The following BMERB1 variants were observed in gnomAD, a reference collection of about 807,000 sequenced individuals.
BMERB1 encodes bMERB domain containing 1, also known as bMERB domain-containing protein 1.
A neutral mutation model predicts 23.6 loss-of-function variants in BMERB1; 12 were observed. The ratio of observed to expected loss-of-function variants is 0.51; its 90% CI spans 0.33 to 0.82. The LOEUF is 0.82. Ranked by LOEUF, BMERB1 falls within the 40% of genes least tolerant of loss-of-function variation. The pLI, the probability that BMERB1 is intolerant of heterozygous loss-of-function variation, is 0.03. For missense variants in BMERB1, 247 were observed against 255.4 expected (o/e 0.97, Z 0.22); for synonymous variants, 122 against 96.6 (o/e 1.26, Z -1.54).
chr16:15,507,089 A>T (rs1230556689), intron 1 of BMERB1, among the ~76,000 whole-genome samples: 1 of 152,196 alleles, frequency 6.6e-6, no homozygotes, highest in Non-Finnish European at 1.5e-5. Flanking sequence ...AGCAGAAGTA[A>T]AGGCAGAGGT....
intron 1 of BMERB1, among the ~76,000 whole-genome samples, chr16:15,497,328 C>T (rs1024843671): frequency 3.9e-5 from 6 of 152,104 alleles, no homozygotes; most frequent in South Asian, 2.1e-4. Flanking sequence ...GAAGCAATCC[C>T]GATGAATGAG....
chr16:15,583,295 GC>G, intron 5 of BMERB1, 57 bp downstream of exon 5: 1 of 1,407,594 alleles, frequency 7.1e-7, no homozygotes, highest in Non-Finnish European at 1.0e-6. Flanking sequence ...TATATTTCAG[GC>G]CAGGCCCACA....
chr16:15,571,381 G>A (rs1473431688), intron 3 of BMERB1, among the ~76,000 whole-genome samples: 9 of 148,946 alleles, frequency 6.0e-5, no homozygotes, highest in South Asian at 2.1e-4. Context: ...TTTTTGAGAC[G>A]GAGTCTCGCT....
chr16:15,448,707 G>A (rs188327491), intron 1 of BMERB1, among the ~76,000 whole-genome samples: 51 of 152,270 alleles, frequency 3.3e-4, no homozygotes, highest in Admixed American at 1.8e-3. Context: ...CATGAGAATC[G>A]CTTGAACCTG....
At chr16:15,572,294 T>C (rs1174389909) in intron 3 of BMERB1, among the ~76,000 whole-genome samples, 1 of 152,062 alleles carries the variant, frequency 6.6e-6, no homozygotes, top group Non-Finnish European at 1.5e-5. Flanking sequence ...GGTGTAGGAG[T>C]CTTCCACACA....
intron 2 of BMERB1, among the ~76,000 whole-genome samples, chr16:15,540,768 G>A (rs1598506220): frequency 1.3e-5 from 2 of 152,344 alleles, no homozygotes; most frequent in South Asian, 2.1e-4. Context: ...TGTCCCAGCG[G>A]AGATGCTTAC....
At chr16:15,492,013 T>C (rs1343807858) in intron 1 of BMERB1, among the ~76,000 whole-genome samples, 4 of 152,166 alleles carry the variant, frequency 2.6e-5, no homozygotes, top group African/African-American at 9.7e-5. Flanking sequence ...GTGGCGGGCA[T>C]GTTGAATAAA....
chr16:15,442,828 C>T (rs2050951796), intron 1 of BMERB1, among the ~76,000 whole-genome samples: 1 of 152,136 alleles, frequency 6.6e-6, no homozygotes, highest in African/African-American at 2.4e-5. Context: ...TCTGGATGTT[C>T]CTATCCACTG....
At chr16:15,448,690 G>A (rs913885961) in intron 1 of BMERB1, among the ~76,000 whole-genome samples, 1 of 152,174 alleles carries the variant, frequency 6.6e-6, no homozygotes, top group Admixed American at 6.5e-5. Flanking sequence ...TACTCAGGAG[G>A]CTGAGGCATG....
chr16:15,545,536 G>T (rs1393763900), intron 2 of BMERB1, among the ~76,000 whole-genome samples: 2 of 152,130 alleles, frequency 1.3e-5, no homozygotes, highest in Non-Finnish European at 2.9e-5. Context: ...ACCAAAAAAT[G>T]GGATTGTAGA....
chr16:15,525,727 A>G (rs989266853), intron 2 of BMERB1, among the ~76,000 whole-genome samples: 2 of 152,080 alleles, frequency 1.3e-5, no homozygotes, highest in African/African-American at 2.4e-5. Context: ...AAGAAAAAAG[A>G]AAAGAATAAA....
rs534442333 is a variant in BMERB1 at position 15,512,826 on chromosome 16, C to A, written c.107-2479C>A. ...TCCGGGAGGCGGAGGTTGCAGTGAG[C>A]CGATATTGTGCCACTGCACTCCAGC... On this transcript the variant is annotated intron_variant, in intron 1 of 5. Coordinates refer to ENST00000300006, the MANE Select transcript of BMERB1 (RefSeq NM_033201.3). 5.3e-5 allele frequency among the ~76,000 whole-genome samples: 8 copies of A among 151,786 alleles called. No individual in the cohort carries two copies. In the East Asian group the frequency reaches 1.4e-3, roughly 26 times the overall value.
chr16:15,449,436 A>T (rs1005885810), intron 1 of BMERB1, among the ~76,000 whole-genome samples: 2 of 152,194 alleles, frequency 1.3e-5, no homozygotes, highest in African/African-American at 4.8e-5. Context: ...TATCTGGCTG[A>T]TGGTTTCACC....
At chr16:15,502,228 A>G in intron 1 of BMERB1, 1 of 1,475,972 alleles carries the variant, frequency 6.8e-7, no homozygotes, top group Non-Finnish European at 9.3e-7. Flanking sequence ...AGAAACTCGC[A>G]GAAGTTAAAA....
intron 3 of BMERB1, among the ~76,000 whole-genome samples, chr16:15,576,476 C>G (rs1299903022): frequency 6.6e-6 from 1 of 152,100 alleles, no homozygotes; most frequent in Non-Finnish European, 1.5e-5. Context: ...GTACAGAAAC[C>G]CATCCAAGCT....
intron 1 of BMERB1, among the ~76,000 whole-genome samples, chr16:15,481,778 A>T (rs1311732226): frequency 6.6e-6 from 1 of 150,554 alleles, no homozygotes; most frequent in Non-Finnish European, 1.5e-5. Flanking sequence ...CTGGAGTGCA[A>T]TAATAGCATG....
At chr16:15,572,423 T>C (rs9924674) in intron 3 of BMERB1, among the ~76,000 whole-genome samples, 12,668 of 152,220 alleles carry the variant, frequency 0.083, 1,582 homozygotes, top group African/African-American at 0.27. Flanking sequence ...GAATAGACTT[T>C]CCTAGTTGAA....
intron 2 of BMERB1, among the ~76,000 whole-genome samples, chr16:15,525,096 A>G (rs1438578302): frequency 1.3e-5 from 2 of 152,168 alleles, no homozygotes; most frequent in Non-Finnish European, 2.9e-5. Flanking sequence ...TTAACATTTG[A>G]ATTGGTAAAC....
At chr16:15,499,799 G>A (rs547255070) in intron 1 of BMERB1, among the ~76,000 whole-genome samples, 11 of 152,300 alleles carry the variant, frequency 7.2e-5, no homozygotes, top group African/African-American at 2.6e-4. Flanking sequence ...CCTCTTGCGG[G>A]AAGATGTCGC....
Sources: allele counts gnomAD v4.1 joint callset (sites outside exome capture counted in the v4.1 genomes callset), GRCh38; gene constraint gnomAD v4.1.1; transcripts MANE v1.5; gene names NCBI Gene and HGNC (gene_info 2026-07-23, HGNC 2026-07-21).